SLC25A26: variants seen among roughly 807,000 people sequenced by gnomAD.
SLC25A26 encodes the protein solute carrier family 25 member 26.
Under a neutral mutation model 37.8 loss-of-function variants are expected in SLC25A26, and 36 were observed. That is an observed-to-expected ratio of 0.95 (90% confidence interval 0.73 to 1.26). SLC25A26 has a LOEUF of 1.26. SLC25A26 is among the 50% of genes most tolerant of loss of function. The pLI is 0.00. For missense variants in SLC25A26, 390 were observed against 331.1 expected, an observed-to-expected ratio of 1.18 and a Z score of -1.38; for synonymous variants, 129 against 122.5, an observed-to-expected ratio of 1.05 and a Z score of -0.35.
intron 5 of SLC25A26, among the ~76,000 whole-genome samples, chr3:66,316,914 G>A (rs1473227584): frequency 6.6e-6 from 1 of 152,014 alleles, no homozygotes; most frequent in African/African-American, 2.4e-5. Context: ...ACTTGTGTTG[G>A]CATTGTGAAG....
At chr3:66,184,268 C>A (rs548317761) in intron 1 of SLC25A26, among the ~76,000 whole-genome samples, 1 of 152,176 alleles carries the variant, frequency 6.6e-6, no homozygotes, top group Non-Finnish European at 1.5e-5. Flanking sequence ...TAACTCTGAC[C>A]CTTGGACTTT....
At chr3:66,177,819 A>G (rs1404925586) in intron 1 of SLC25A26, among the ~76,000 whole-genome samples, 1 of 152,236 alleles carries the variant, frequency 6.6e-6, no homozygotes, top group Non-Finnish European at 1.5e-5. Context: ...TTTTAGAAAT[A>G]CATGTGGCTC....
At chr3:66,350,889 T>A (rs371582791) in intron 6 of SLC25A26, among the ~76,000 whole-genome samples, 2 of 152,238 alleles carry the variant, frequency 1.3e-5, no homozygotes, top group African/African-American at 4.8e-5. Flanking sequence ...ATTCAGTGTT[T>A]GATCTCCTGC....
At chr3:66,327,743 A>G (rs1166298133) in intron 5 of SLC25A26, among the ~76,000 whole-genome samples, 2 of 152,178 alleles carry the variant, frequency 1.3e-5, no homozygotes, top group Non-Finnish European at 2.9e-5. Context: ...CACGTATTTA[A>G]TGTATCAAAT....
chr3:66,265,490 A>G (rs1425336115), intron 5 of SLC25A26, among the ~76,000 whole-genome samples: 2 of 152,214 alleles, frequency 1.3e-5, no homozygotes, highest in Admixed American at 1.3e-4. Context: ...GAACCTGCAT[A>G]CATCTGCTCT....
intron 5 of SLC25A26, among the ~76,000 whole-genome samples, chr3:66,274,086 A>C (rs1381975780): frequency 6.6e-6 from 1 of 152,132 alleles, no homozygotes; most frequent in African/African-American, 2.4e-5. Flanking sequence ...AGCCCTCAGA[A>C]ATAAGGCCGC....
chr3:66,281,971 C>T (rs1039487201), intron 5 of SLC25A26, among the ~76,000 whole-genome samples: 1 of 148,872 alleles, frequency 6.7e-6, no homozygotes, highest in African/African-American at 2.5e-5. Context: ...TACAGGCACG[C>T]ACCACCACAC....
At chr3:66,357,727 CTT>C (rs144470576) in intron 6 of SLC25A26, among the ~76,000 whole-genome samples, 1 of 151,030 alleles carries the variant, frequency 6.6e-6, no homozygotes. Context: ...AAAAAAAAAA[CTT>C]TTGTAAACCC....
chr3:66,266,855 A>T (rs1226334504), intron 5 of SLC25A26, among the ~76,000 whole-genome samples: 2 of 152,198 alleles, frequency 1.3e-5, no homozygotes, highest in African/African-American at 4.8e-5. Flanking sequence ...TTGAGATGCT[A>T]TTGGCCTGAA....
chr3:66,240,670 TTA>T (rs782125078), intron 2 of SLC25A26, among the ~76,000 whole-genome samples: 13 of 152,098 alleles, frequency 8.5e-5, no homozygotes, highest in Non-Finnish European at 1.9e-4. Context: ...TTTTTATATT[TTA>T]TGTTAGTAAA....
chr3:66,351,373 T>C (rs2076449927), intron 6 of SLC25A26, among the ~76,000 whole-genome samples: 2 of 152,350 alleles, frequency 1.3e-5, no homozygotes, highest in Non-Finnish European at 1.5e-5. Flanking sequence ...TAGATTATCA[T>C]ATCCAAAGTC....
At chr3:66,246,456 G>C (rs1292608866) in intron 3 of SLC25A26, among the ~76,000 whole-genome samples, 2 of 152,172 alleles carry the variant, frequency 1.3e-5, no homozygotes, top group African/African-American at 4.8e-5. Context: ...TTTGTAGAAA[G>C]TCGTTTATAT....
At chr3:66,317,249 C>T (rs952442805) in intron 5 of SLC25A26, among the ~76,000 whole-genome samples, 1 of 152,142 alleles carries the variant, frequency 6.6e-6, no homozygotes, top group Non-Finnish European at 1.5e-5. Context: ...GGTTTATCTA[C>T]CTTTGATTTT....
intron 5 of SLC25A26, among the ~76,000 whole-genome samples, chr3:66,345,130 G>A (rs557897770): frequency 6.6e-6 from 1 of 152,256 alleles, no homozygotes; most frequent in South Asian, 2.1e-4. Context: ...TCTAAGTGTG[G>A]TGATTCTCTT....
chr3:66,196,143 G>A, intron 1 of SLC25A26, among the ~76,000 whole-genome samples: 1 of 146,044 alleles, frequency 6.8e-6, no homozygotes, highest in East Asian at 2.0e-4. Flanking sequence ...TAAGTAATCA[G>A]TCTGTTTTTT....
intron 5 of SLC25A26, among the ~76,000 whole-genome samples, chr3:66,334,471 T>C (rs2076049574): frequency 6.6e-6 from 1 of 152,092 alleles, no homozygotes; most frequent in Admixed American, 6.6e-5. Context: ...TGTGCCACCA[T>C]GCCTGGCTAA....
chr3:66,234,136 T>C (rs2072162469), intron 1 of SLC25A26, among the ~76,000 whole-genome samples: 1 of 152,180 alleles, frequency 6.6e-6, no homozygotes, highest in South Asian at 2.1e-4. Flanking sequence ...GGCAGGAGCG[T>C]GGTGGCTATT....
At chr3:66,269,703 T>C (rs574499771) in intron 5 of SLC25A26, among the ~76,000 whole-genome samples, 61 of 152,282 alleles carry the variant, frequency 4.0e-4, no homozygotes, top group Non-Finnish European at 7.1e-4. Flanking sequence ...ATTTCCTGCT[T>C]ATCATGATTG....
intron 5 of SLC25A26, among the ~76,000 whole-genome samples, chr3:66,322,859 C>T (rs1019359759): frequency 6.6e-6 from 1 of 152,120 alleles, no homozygotes; most frequent in Non-Finnish European, 1.5e-5. Context: ...GAATTTTCTG[C>T]AAGTTTTTAA....
Sources: gnomAD v4.1 joint callset for allele counts (sites outside exome capture counted in the v4.1 genomes callset) on GRCh38, gnomAD v4.1.1 for gene constraint, MANE v1.5 for transcripts, NCBI Gene and HGNC (gene_info 2026-07-23, HGNC 2026-07-21) for gene names.